Variants in CHD1L observed in about 807,000 individuals in gnomAD.
The protein encoded by CHD1L is chromodomain helicase DNA binding protein 1 like.
CHD1L carries 118 observed loss-of-function variants against 115.9 expected under a neutral mutation model. That is an observed-to-expected ratio of 1.02 (90% CI 0.88 to 1.19). The LOEUF (loss-of-function observed/expected upper bound fraction) is 1.19. CHD1L is among the 50% of genes most tolerant of loss of function. The probability of loss-of-function intolerance (pLI) is 0.00; values close to 1 mark genes in which losing one functional copy is unlikely to be tolerated. For missense variants in CHD1L, 1,179 were observed against 1,065.3 expected, an observed-to-expected ratio of 1.11 and a Z score of -1.49; for synonymous variants, 411 against 387.1, an observed-to-expected ratio of 1.06 and a Z score of -0.72.
chr1:147,289,960 G>A (rs781897501), intron 19 of CHD1L, among the ~76,000 whole-genome samples: 12 of 152,216 alleles, frequency 7.9e-5, no homozygotes, highest in African/African-American at 1.7e-4. Flanking sequence ...ATAGCTGGTC[G>A]TTTTGGGGGA....
chr1:147,255,796 T>A lies in CHD1L; in HGVS notation c.348-17T>A, dbSNP rs781889896. On this transcript the variant is annotated splice_polypyrimidine_tract_variant and intron_variant, in intron 3 of 22. Coordinates refer to ENST00000369258, the MANE Select transcript of CHD1L (RefSeq NM_004284.6). Reference sequence around the variant, plus strand: ...GATCTAGTATTTATGTTTATCTACTTCTTTTCTTGGATTCAGATTTGCTCC... The same window carrying A: ...GATCTAGTATTTATGTTTATCTACTACTTTTCTTGGATTCAGATTTGCTCC... The A allele has an allele frequency of 2.5e-6, 4 of 1,568,894 alleles. No homozygotes were observed. The highest frequency in any genetic ancestry group is 2.3e-5 in the East Asian group (1 of 44,416).
At chr1:147,249,372 C>T (rs1275808404) in intron 1 of CHD1L, among the ~76,000 whole-genome samples, 3 of 131,214 alleles carry the variant, frequency 2.3e-5, no homozygotes, top group African/African-American at 5.6e-5. Context: ...CTTTTGTTTT[C>T]AGCATTTTAA....
chr1:147,250,313 G>A (rs1668007081), intron 1 of CHD1L, among the ~76,000 whole-genome samples: 1 of 152,168 alleles, frequency 6.6e-6, no homozygotes, highest in South Asian at 2.1e-4. Context: ...AAGAATTGGA[G>A]CCAGGCATTT....
At chr1:147,255,454 C>G (rs892494757) in intron 3 of CHD1L, among the ~76,000 whole-genome samples, 11 of 152,056 alleles carry the variant, frequency 7.2e-5, no homozygotes, top group Admixed American at 5.9e-4. Flanking sequence ...CTCAAACTCC[C>G]GACCTCATGT....
Position 147,252,086 on chromosome 1 carries a change from C to T in CHD1L, c.128-537C>T, listed in dbSNP as rs190808493. ...GAGTAAGTTCCGTATTAATTTCACACGTTTTCTGCCATCCCTGTACACAGT... is the reference window on the plus strand; with the variant it reads ...GAGTAAGTTCCGTATTAATTTCACATGTTTTCTGCCATCCCTGTACACAGT... On this transcript the variant is annotated intron_variant, in intron 1 of 22. Coordinates refer to ENST00000369258, the MANE Select transcript of CHD1L (RefSeq NM_004284.6). Among the ~76,000 whole-genome samples, 9 of 152,270 alleles carry T rather than the reference C, an allele frequency of 5.9e-5. 1 individual carries two copies. The highest frequency in any genetic ancestry group is 1.9e-4 in the East Asian group (1 of 5,188).
chr1:147,228,241 T>C, the CHD1L span, among the ~76,000 whole-genome samples: 3 of 147,058 alleles, frequency 2.0e-5, no homozygotes, highest in Admixed American at 1.3e-4. Context: ...TTCCCACCTA[T>C]GACTGAGAAC....
intron 10 of CHD1L, among the ~76,000 whole-genome samples, chr1:147,269,290 T>A (rs1404156187): frequency 6.6e-6 from 1 of 152,156 alleles, no homozygotes; most frequent in African/African-American, 2.4e-5. Flanking sequence ...TCAGTAAACA[T>A]TCATTTTTGT....
chr1:147,221,328 C>T, the CHD1L span, among the ~76,000 whole-genome samples: 914 of 152,168 alleles, frequency 6.0e-3, 13 homozygotes, highest in African/African-American at 0.021. Context: ...TATTTAAAAA[C>T]GTATCATACT....
chr1:147,209,018 G>C, the CHD1L span: 2 of 1,614,126 alleles, frequency 1.2e-6, no homozygotes, highest in East Asian at 4.5e-5. Flanking sequence ...ACACGATTCA[G>C]GATCCAAGCC....
At chr1:147,218,438 A>C in the CHD1L span, among the ~76,000 whole-genome samples, 1 of 151,802 alleles carries the variant, frequency 6.6e-6, no homozygotes, top group South Asian at 2.1e-4. Context: ...GGGTTTCACC[A>C]TGTTAGCCAG....
chr1:147,273,166 A>G (rs6593754), intron 12 of CHD1L, among the ~76,000 whole-genome samples: 5,188 of 152,284 alleles, frequency 0.034, 90 homozygotes, highest in Non-Finnish European at 0.037. Context: ...TTGCACCACT[A>G]CATTCCAGCC....
the CHD1L span, chr1:147,201,157 A>C: frequency 6.2e-7 from 1 of 1,608,670 alleles, no homozygotes; most frequent in Non-Finnish European, 8.5e-7. Flanking sequence ...CTTACCTTTA[A>C]ATACCTGAGT....
intron 1 of CHD1L, among the ~76,000 whole-genome samples, chr1:147,243,216 G>A (rs1347100466): frequency 1.3e-5 from 2 of 152,106 alleles, no homozygotes; most frequent in East Asian, 1.9e-4. Context: ...GGCCTGGGGA[G>A]TTTATTGGTT....
the CHD1L span, chr1:147,224,894 C>G: frequency 9.3e-6 from 15 of 1,613,974 alleles, no homozygotes; most frequent in Non-Finnish European, 1.3e-5. Context: ...GATGTATGTA[C>G]CTGGAACCTC....
intron 19 of CHD1L, among the ~76,000 whole-genome samples, chr1:147,291,213 T>G: frequency 6.6e-6 from 1 of 152,188 alleles, no homozygotes; most frequent in East Asian, 1.9e-4. Flanking sequence ...CCCAGCTACC[T>G]CTGGGTTTTG....
the CHD1L span, among the ~76,000 whole-genome samples, chr1:147,222,833 A>G: frequency 6.6e-6 from 1 of 152,218 alleles, no homozygotes; most frequent in Non-Finnish European, 1.5e-5. Context: ...ATAATCAGAC[A>G]AGATGATGGA....
chr1:147,208,947 C>T, the CHD1L span: 8 of 1,613,976 alleles, frequency 5.0e-6, no homozygotes, highest in Non-Finnish European at 6.8e-6. Context: ...CACAGATCTT[C>T]CATATAAAAT....
At chr1:147,223,288 T>C in the CHD1L span, among the ~76,000 whole-genome samples, 13 of 152,204 alleles carry the variant, frequency 8.5e-5, no homozygotes, top group Admixed American at 6.5e-5. Context: ...GATACACGTA[T>C]GCAGGTCAGC....
At chr1:147,261,088 G>T (rs782248308) in intron 6 of CHD1L, 1 of 152,134 alleles carries the variant, frequency 6.6e-6, no homozygotes, top group African/African-American at 2.4e-5. Context: ...ATGTAGATAC[G>T]ATCACTGTGT....
Sources: gnomAD v4.1 joint callset for allele counts (sites outside exome capture counted in the v4.1 genomes callset) on GRCh38, gnomAD v4.1.1 for gene constraint, MANE v1.5 for transcripts, NCBI Gene and HGNC (gene_info 2026-07-23, HGNC 2026-07-21) for gene names.